The following CDH13 variants were observed in gnomAD, a reference collection of about 807,000 sequenced individuals.
The protein encoded by CDH13 is cadherin-13.
Under a neutral mutation model 63.8 loss-of-function variants are expected in CDH13, and 24 were observed. The ratio of observed to expected loss-of-function variants is 0.38; its 90% CI spans 0.27 to 0.53. CDH13 has a LOEUF of 0.53. CDH13 is among the 20% of genes least tolerant of loss of function. The pLI is 0.85. For missense variants in CDH13, 1,049 were observed against 903.1 expected (o/e 1.16, Z -2.07); for synonymous variants, 503 against 355.3 (o/e 1.42, Z -4.67).
intron 5 of CDH13, among the ~76,000 whole-genome samples, chr16:83,282,367 G>A (rs926901820): frequency 2.0e-5 from 3 of 152,106 alleles, no homozygotes; most frequent in African/African-American, 4.8e-5. Context: ...ACAAACATTC[G>A]ATTTGTAAAA....
chr16:82,699,292 G>A (rs999498105), intron 1 of CDH13, among the ~76,000 whole-genome samples: 1 of 152,170 alleles, frequency 6.6e-6, no homozygotes, highest in Non-Finnish European at 1.5e-5. Flanking sequence ...ACAGCTGCTT[G>A]TGTCCTCTGC....
At chr16:83,240,545 T>C (rs549352516) in intron 5 of CDH13, among the ~76,000 whole-genome samples, 8 of 151,906 alleles carry the variant, frequency 5.3e-5, no homozygotes, top group Admixed American at 4.6e-4. Context: ...TAAAAAGTGG[T>C]TGGATTTGCA....
chr16:82,707,540 A>G (rs910456045), intron 1 of CDH13, among the ~76,000 whole-genome samples: 4 of 152,226 alleles, frequency 2.6e-5, no homozygotes, highest in Admixed American at 6.5e-5. Flanking sequence ...AAATGGAAAG[A>G]AGTCTTCCTA....
intron 7 of CDH13, among the ~76,000 whole-genome samples, chr16:83,576,737 A>C (rs145064347): frequency 6.6e-6 from 1 of 152,204 alleles, no homozygotes; most frequent in African/African-American, 2.4e-5. Context: ...CATAGTTTTG[A>C]CTTACATTTA....
chr16:83,392,842 G>T (rs1237248115), intron 6 of CDH13, among the ~76,000 whole-genome samples: 1 of 151,010 alleles, frequency 6.6e-6, no homozygotes, highest in Non-Finnish European at 1.5e-5. Context: ...GGAGGATGGA[G>T]GTAGCTTCTA....
chr16:82,825,535 T>C (rs1480132505), intron 1 of CDH13: 1 of 145,624 alleles, frequency 6.9e-6, no homozygotes, highest in African/African-American at 2.5e-5. Context: ...CTAAACAATA[T>C]TAACTTTTTT....
Position 83,050,343 on chromosome 16 carries a change from A to G in CDH13, c.366+18125A>G, listed in dbSNP as rs114320719. ...AATTGCTGGCTCATATGATAATTCT[A>G]TATTCAACTCTTTGAGAAGTCACCC... On this transcript the variant is annotated intron_variant, in intron 3 of 13. Coordinates refer to ENST00000567109, the MANE Select transcript of CDH13 (RefSeq NM_001257.5). Among the ~76,000 whole-genome samples the G allele has an allele frequency of 2.3e-3, 356 of 152,242 alleles. 2 individuals are homozygous for G. Among genetic ancestry groups the G allele is most frequent in the African/African-American group, 8.3e-3 (345 of 41,534 alleles).
At chr16:83,751,925 G>A (rs1913118606) in intron 11 of CDH13, among the ~76,000 whole-genome samples, 1 of 152,198 alleles carries the variant, frequency 6.6e-6, no homozygotes, top group Non-Finnish European at 1.5e-5. Flanking sequence ...AGATAGAAAT[G>A]GAATAAGGAG....
chr16:82,842,125 T>TAC (rs2039045785), intron 1 of CDH13, among the ~76,000 whole-genome samples: 1 of 47,970 alleles, frequency 2.1e-5, no homozygotes, highest in African/African-American at 7.1e-5. Flanking sequence ...TATATATATA[T>TAC]ATATATATAT....
Position 83,515,956 on chromosome 16 carries a change from A to G in CDH13, c.960+29301A>G, listed in dbSNP as rs576342767. On this transcript the variant is annotated intron_variant, in intron 7 of 13. Coordinates refer to ENST00000567109, the MANE Select transcript of CDH13 (RefSeq NM_001257.5). ...TAAGCTGATATTTGGGTATAATATT[A>G]TCTTGTTATCCATGTTCTTTGTATT... 3.9e-4 allele frequency among the ~76,000 whole-genome samples: 59 copies of G among 152,322 alleles called. 1 individual carries two copies. The highest frequency in any genetic ancestry group is 6.8e-4 in the Non-Finnish European group (46 of 68,016).
chr16:83,788,151 T>C (rs1385473266), intron 13 of CDH13, among the ~76,000 whole-genome samples: 1 of 152,202 alleles, frequency 6.6e-6, no homozygotes, highest in Non-Finnish European at 1.5e-5. Context: ...CATTGCCCTC[T>C]GTAAATCCAA....
chr16:82,895,055 T>C (rs1417368255), intron 2 of CDH13, among the ~76,000 whole-genome samples: 1 of 152,164 alleles, frequency 6.6e-6, no homozygotes, highest in African/African-American at 2.4e-5. Context: ...CAAGGTGAAA[T>C]TTATATGACG....
intron 2 of CDH13, among the ~76,000 whole-genome samples, chr16:82,878,669 T>G (rs2040587666): frequency 6.6e-6 from 1 of 150,906 alleles, no homozygotes; most frequent in South Asian, 2.1e-4. Flanking sequence ...GCATGGTTGT[T>G]GGTCCAATGG....
intron 2 of CDH13, among the ~76,000 whole-genome samples, chr16:82,968,398 A>C (rs1211125821): frequency 6.6e-6 from 1 of 152,234 alleles, no homozygotes; most frequent in Non-Finnish European, 1.5e-5. Flanking sequence ...TTTGCTGACT[A>C]ACTCTTGAAA....
chr16:82,792,963 A>T (rs1011126622), intron 1 of CDH13, among the ~76,000 whole-genome samples: 1 of 152,332 alleles, frequency 6.6e-6, no homozygotes, highest in East Asian at 1.9e-4. Flanking sequence ...CGAGGAAATA[A>T]TTCTTGCTTG....
At chr16:83,615,003 T>G (rs1419857117) in intron 8 of CDH13, among the ~76,000 whole-genome samples, 1 of 152,202 alleles carries the variant, frequency 6.6e-6, no homozygotes, top group African/African-American at 2.4e-5. Context: ...TCACTTGATT[T>G]GACATGAATA....
At chr16:82,679,509 A>G (rs1444120993) in intron 1 of CDH13, among the ~76,000 whole-genome samples, 1 of 152,240 alleles carries the variant, frequency 6.6e-6, no homozygotes, top group Non-Finnish European at 1.5e-5. Flanking sequence ...GCCTGGTAAG[A>G]TGCCAAATGG....
chr16:83,481,253 G>T (rs775901383), intron 6 of CDH13, among the ~76,000 whole-genome samples: 3 of 152,164 alleles, frequency 2.0e-5, no homozygotes, highest in Non-Finnish European at 4.4e-5. Context: ...GTCTCAATAC[G>T]TGATTCGCTT....
intron 4 of CDH13, among the ~76,000 whole-genome samples, chr16:83,180,099 T>C (rs1037319934): frequency 1.3e-5 from 2 of 152,290 alleles, no homozygotes; most frequent in East Asian, 3.9e-4. Context: ...GATTGTTGTG[T>C]TTTTAAATTT....
Sources: allele counts gnomAD v4.1 joint callset (sites outside exome capture counted in the v4.1 genomes callset), GRCh38; gene constraint gnomAD v4.1.1; transcripts MANE v1.5; gene names NCBI Gene and HGNC (gene_info 2026-07-23, HGNC 2026-07-21).